Variants in MAD1L1 observed in about 807,000 individuals in gnomAD.
The protein encoded by MAD1L1 is mitotic arrest deficient 1 like 1, also known as mitotic spindle assembly checkpoint protein MAD1.
A neutral mutation model predicts 96.9 loss-of-function variants in MAD1L1; 95 were observed. The ratio of observed to expected loss-of-function variants is 0.98; its 90% CI spans 0.83 to 1.16. The LOEUF is 1.16. MAD1L1 is among the 50% of genes most tolerant of loss of function. The pLI is 0.00. For synonymous variants in MAD1L1, 473 were observed against 396.6 expected (o/e 1.19, Z -2.29); for missense variants, 1,007 against 954.4 (o/e 1.06, Z -0.73).
rs555220332 is a variant in MAD1L1, at chr7:2,206,223, C to T, written c.986+6989G>A. ...TCTTACTAATTTGTAAGAGTTCCTTCTCTATCCTGGAGCACATCTTTGGTC... is the reference window on the plus strand; with the variant it reads ...TCTTACTAATTTGTAAGAGTTCCTTTTCTATCCTGGAGCACATCTTTGGTC... On this transcript the variant is annotated intron_variant, in intron 10 of 18. Transcript: ENST00000265854. Among the ~76,000 whole-genome samples the T allele has an allele frequency of 1.1e-3, 162 of 152,346 alleles. 1 individual carries two copies. Among genetic ancestry groups the T allele is most frequent in the African/African-American group, 3.8e-3 (160 of 41,576 alleles).
intron 10 of MAD1L1, among the ~76,000 whole-genome samples, chr7:2,185,093 AG>A (rs980039232): frequency 1.3e-5 from 2 of 152,212 alleles, no homozygotes; most frequent in Non-Finnish European, 2.9e-5. Flanking sequence ...GTTGTCCAAA[AG>A]CAGGGCCAGG....
intron 18 of MAD1L1, among the ~76,000 whole-genome samples, chr7:1,839,594 G>A (rs1783131212): frequency 6.6e-6 from 1 of 152,238 alleles, no homozygotes; most frequent in Admixed American, 6.5e-5. Flanking sequence ...AGCATTTCCG[G>A]CTTAGTCAAA....
intron 17 of MAD1L1, among the ~76,000 whole-genome samples, chr7:1,917,411 C>T (rs1469132714): frequency 1.3e-5 from 2 of 152,164 alleles, no homozygotes; most frequent in East Asian, 3.9e-4. Context: ...TGGGTGCCCA[C>T]CCCGGGTGAA....
Position 2,216,205 on chromosome 7 carries a change from C to T in MAD1L1, c.761G>A (p.Arg254Lys). The change falls in exon 8 of 19, where the codon AGG becomes AAG. Residue 254 changes from arginine to lysine, a missense_variant. Physicochemically the swap from Arg to Lys is conservative, Grantham distance 26 (BLOSUM62 2). Transcript: ENST00000265854. ...CAGCTGCTTCAGCTCCCGTTCCAGC[C>T]TAGGGAGCCGTACCAGCTCAGACTT... The part of the protein sequence containing the change: ...NMKSELVRLP[R>K]LERELKQLRE... 6.2e-7 allele frequency: 1 copy of T among 1,614,038 alleles called. No homozygotes were observed. Among genetic ancestry groups the T allele is most frequent in the Non-Finnish European group, 8.5e-7 (1 of 1,180,022 alleles).
intron 17 of MAD1L1, among the ~76,000 whole-genome samples, chr7:1,934,614 G>C (rs1370625025): frequency 7.1e-6 from 1 of 141,758 alleles, no homozygotes; most frequent in Non-Finnish European, 1.5e-5. Context: ...AGACAACAGG[G>C]GAACGAACAG....
At chr7:1,853,628 C>T (rs1270086671) in intron 18 of MAD1L1, among the ~76,000 whole-genome samples, 1 of 152,202 alleles carries the variant, frequency 6.6e-6, no homozygotes, top group Non-Finnish European at 1.5e-5. Flanking sequence ...GAAACACTGT[C>T]CCCGCCGCCC....
intron 11 of MAD1L1, among the ~76,000 whole-genome samples, chr7:2,087,716 C>T (rs1785994789): frequency 6.6e-6 from 1 of 152,148 alleles, no homozygotes; most frequent in African/African-American, 2.4e-5. Flanking sequence ...TGGGAAGAGA[C>T]AGGATCCTCT....
chr7:2,057,555 A>G (rs1015898415), intron 12 of MAD1L1, among the ~76,000 whole-genome samples: 2 of 151,534 alleles, frequency 1.3e-5, no homozygotes, highest in Non-Finnish European at 2.9e-5. Flanking sequence ...GGAATGAAAC[A>G]TTAATGATCG....
At chr7:1,994,946 C>T (rs1274597236) in intron 14 of MAD1L1, among the ~76,000 whole-genome samples, 1 of 152,240 alleles carries the variant, frequency 6.6e-6, no homozygotes, top group Admixed American at 6.5e-5. Flanking sequence ...TCCCAAAGTG[C>T]TGGGATTACA....
chr7:2,133,902 A>G (rs1175078908), intron 11 of MAD1L1, among the ~76,000 whole-genome samples: 1 of 152,128 alleles, frequency 6.6e-6, no homozygotes, highest in Non-Finnish European at 1.5e-5. Context: ...CTGTTCGTCC[A>G]TTCTTCCATC....
At chr7:2,193,946 T>TTC (rs1791855478) in intron 10 of MAD1L1, among the ~76,000 whole-genome samples, 3 of 143,164 alleles carry the variant, frequency 2.1e-5, no homozygotes, top group Non-Finnish European at 4.6e-5. Flanking sequence ...ATTTTTTTTT[T>TTC]TTTTTTTTTT....
intron 8 of MAD1L1, 41 bp from the exon 9 acceptor site, chr7:2,216,040 C>A (rs560370809): frequency 3.1e-6 from 5 of 1,612,526 alleles, no homozygotes; most frequent in Non-Finnish European, 2.5e-6. Flanking sequence ...GCCACACACC[C>A]TAGGGATAAG....
At position 2,084,598 on chromosome 7, in the gene MAD1L1, G is replaced by A. The variant is rs191930473; in HGVS notation, c.1074-15260C>T. Among the ~76,000 whole-genome samples the A allele has an allele frequency of 3.5e-3, 531 of 152,322 alleles. 1 individual carries two copies. The highest frequency in any genetic ancestry group is 5.6e-3 in the Admixed American group (86 of 15,308). ...TCCTAGCCCAGAAAACCTACTTCCT[G>A]AGCCACGGTGGCGGCCACTGCAGCC... is the stretch of plus-strand genomic sequence containing the variant. On this transcript the variant is annotated intron_variant, in intron 11 of 18. Coordinates refer to ENST00000265854, the MANE Select transcript of MAD1L1 (RefSeq NM_001013836.2).
rs758395932 is a variant in MAD1L1, at chr7:2,069,316, T to C, written c.1096A>G (p.Arg366Gly). ...CGGAGCTCCTCCTGCAGCTGCTGCCTGGCCTTCTCCAGCCCCCGGGCGCTG... is the reference window on the plus strand; with the variant it reads ...CGGAGCTCCTCCTGCAGCTGCTGCCCGGCCTTCTCCAGCCCCCGGGCGCTG... ...TSSARGLEKA[R>G]QQLQEELRQV... Residue 366 changes from arginine (R) to glycine (G), a missense_variant, in exon 12 of 19, where the codon AGG becomes GGG. By Grantham distance (125) the Arg-to-Gly change is moderately radical (BLOSUM62 -2). Transcript: ENST00000265854. 17 of 1,605,274 alleles carry C rather than the reference T, an allele frequency of 1.1e-5. 1 individual carries two copies. Among genetic ancestry groups the C allele is most frequent in the Non-Finnish European group, 1.4e-5 (16 of 1,178,052 alleles).
intron 16 of MAD1L1, 59 bp downstream of exon 16, chr7:1,957,570 A>C: frequency 6.5e-7 from 1 of 1,548,396 alleles, no homozygotes; most frequent in African/African-American, 1.4e-5. Flanking sequence ...GTCGTTCACG[A>C]CGCCCAAAGA....
chr7:1,955,066 G>C (rs545908551), intron 16 of MAD1L1, among the ~76,000 whole-genome samples: 1 of 152,216 alleles, frequency 6.6e-6, no homozygotes, highest in Non-Finnish European at 1.5e-5. Flanking sequence ...GGAGGGCAGC[G>C]GCACTCGCGC....
intron 17 of MAD1L1, among the ~76,000 whole-genome samples, chr7:1,900,304 C>A (rs1373652493): frequency 6.6e-6 from 1 of 152,250 alleles, no homozygotes; most frequent in African/African-American, 2.4e-5. Context: ...TTAGCAGCAT[C>A]CAGATGTCAG....
chr7:2,212,582 C>T (rs1330538139), intron 10 of MAD1L1, among the ~76,000 whole-genome samples: 1 of 152,166 alleles, frequency 6.6e-6, no homozygotes, highest in Admixed American at 6.5e-5. Flanking sequence ...CACGCTCGCT[C>T]ACTCTCTCGC....
At chr7:1,938,458 A>G (rs1043633818) in intron 16 of MAD1L1, among the ~76,000 whole-genome samples, 2 of 152,224 alleles carry the variant, frequency 1.3e-5, no homozygotes, top group Non-Finnish European at 2.9e-5. Flanking sequence ...TAAGAACTTC[A>G]TCCACTGAAA....
Sources: gnomAD v4.1 joint callset for allele counts (sites outside exome capture counted in the v4.1 genomes callset) on GRCh38, gnomAD v4.1.1 for gene constraint, MANE v1.5 for transcripts, NCBI Gene and HGNC (gene_info 2026-07-23, HGNC 2026-07-21) for gene names.